Variants in HIF3A observed in about 807,000 individuals in gnomAD.
HIF3A encodes the protein hypoxia-inducible factor 3-alpha.
HIF3A carries 41 observed loss-of-function variants against 67.2 expected under a neutral mutation model. The ratio of observed to expected loss-of-function variants is 0.61; its 90% confidence interval spans 0.48 to 0.79. The LOEUF (loss-of-function observed/expected upper bound fraction) is 0.79, where lower values mean the gene tolerates loss of function less well. Ranked by LOEUF, HIF3A falls within the 30% of genes least tolerant of loss-of-function variation. The pLI is 0.00. For synonymous variants in HIF3A, 356 were observed against 374.8 expected, an observed-to-expected ratio of 0.95 and a Z score of 0.58; for missense variants, 855 against 898.0, an observed-to-expected ratio of 0.95 and a Z score of 0.61.
intron 13 of HIF3A, among the ~76,000 whole-genome samples, chr19:46,332,805 G>T (rs1029624862): frequency 6.6e-6 from 1 of 152,094 alleles, no homozygotes; most frequent in East Asian, 1.9e-4. Flanking sequence ...CCAACATGGT[G>T]AAACCCTGTC....
chr19:46,298,429 C>T (rs1385305101), intron 1 of HIF3A: 12 of 1,288,454 alleles, frequency 9.3e-6, no homozygotes, highest in East Asian at 5.6e-5. Flanking sequence ...CGCACCCACT[C>T]GTAACTCGCA....
Position 46,312,239 on chromosome 19 carries a change from C to T in HIF3A, c.849C>T (p.Ser283=), listed in dbSNP as rs543522717. ...ACGAGTACATCCACGCGCTGGACTC[C>T]GATGCGGTCAGCAAGAGCATCCACA... is the stretch of plus-strand genomic sequence containing the variant. The part of the protein sequence containing the change: ...SAYEYIHALD[S]DAVSKSIHTL... The change falls in exon 7 of 15, where the codon TCC becomes TCT. Residue 283 remains serine (S), a synonymous_variant. Coordinates refer to ENST00000377670, the MANE Select transcript of HIF3A (RefSeq NM_152795.4). 8.7e-6 allele frequency: 14 copies of T among 1,613,914 alleles called. No individual in the cohort carries two copies. Among genetic ancestry groups the T allele is most frequent in the East Asian group, 4.5e-5 (2 of 44,870 alleles).
At chr19:46,322,713 T>C (rs1453844025) in intron 10 of HIF3A, among the ~76,000 whole-genome samples, 2 of 152,092 alleles carry the variant, frequency 1.3e-5, no homozygotes, top group Non-Finnish European at 2.9e-5. Flanking sequence ...AGTGCTGGGA[T>C]TACAGGTGTG....
chr19:46,332,619 A>G (rs1971315241), intron 13 of HIF3A, among the ~76,000 whole-genome samples: 1 of 152,202 alleles, frequency 6.6e-6, no homozygotes, highest in Non-Finnish European at 1.5e-5. Flanking sequence ...ATGGCCCTCT[A>G]GTGCTTACAG....
In HIF3A at chr19:46,303,994, G is replaced by C; in HGVS notation, c.123G>C (p.Leu41=). 6.3e-7 allele frequency: 1 copy of C among 1,598,646 alleles called. No homozygotes were observed. Among genetic ancestry groups the C allele is most frequent in the Non-Finnish European group, 8.5e-7 (1 of 1,173,412 alleles). ...TEVLYQLAHT[L]PFARGVSAHL... is the part of the protein sequence containing the mutation. ...TGCTGTACCAGCTGGCTCACACGCT[G>C]CCCTTCGCCCGCGGCGTCAGCGCCC... Residue 41 remains leucine, a synonymous_variant, in exon 2 of 15, where the codon CTG becomes CTC. Transcript: ENST00000377670.
At chr19:46,317,265 G>A (rs1052062665) in intron 8 of HIF3A, among the ~76,000 whole-genome samples, 2 of 152,040 alleles carry the variant, frequency 1.3e-5, no homozygotes, top group African/African-American at 4.8e-5. Context: ...GTGTTGCCCA[G>A]GCTGGTCTCA....
At chr19:46,318,042 G>T (rs990140320) in intron 8 of HIF3A, among the ~76,000 whole-genome samples, 7 of 151,732 alleles carry the variant, frequency 4.6e-5, no homozygotes, top group Admixed American at 3.9e-4. Context: ...CACTATGTTG[G>T]CCGGGCTGGT....
chr19:46,336,485 A>C (rs1971630356), intron 14 of HIF3A, among the ~76,000 whole-genome samples: 2 of 151,940 alleles, frequency 1.3e-5, no homozygotes, highest in Non-Finnish European at 2.9e-5. Context: ...CTCCCACCTC[A>C]GCCTCCCAAG....
chr19:46,305,435 G>A, intron 3 of HIF3A, 45 bp downstream of exon 3: 1 of 1,586,590 alleles, frequency 6.3e-7, no homozygotes, highest in Non-Finnish European at 8.6e-7. Context: ...TACTGGTGAT[G>A]CTGGGGATAC....
Position 46,312,568 on chromosome 19 carries a change from C to G in HIF3A, c.940C>G (p.Leu314Val), listed in dbSNP as rs1452701973. 4.3e-6 allele frequency: 7 copies of G among 1,612,856 alleles called. No homozygotes were observed. Among genetic ancestry groups the G allele is most frequent in the Admixed American group, 1.7e-5 (1 of 59,786 alleles). The change falls in exon 8 of 15, where the codon CTG becomes GTG. Residue 314 changes from leucine (L) to valine (V), a missense_variant. By Grantham distance (32) the Leu-to-Val change is conservative. Around this residue, in one of 3 missense-constraint regions of HIF3A, gnomAD observed 638 missense variants for 660.5 expected, o/e 0.97. Coordinates refer to ENST00000377670, the MANE Select transcript of HIF3A (RefSeq NM_152795.4). ...CTTCCTGGCCCGGAGTGGTGGCTAC[C>G]TGTGGACCCAGACCCAGGCCACAGT... ...YRFLARSGGYLWTQTQATVVS... is the reference protein window; with the variant it reads ...YRFLARSGGYVWTQTQATVVS...
chr19:46,301,803 C>T, intron 1 of HIF3A, among the ~76,000 whole-genome samples: 1 of 144,624 alleles, frequency 6.9e-6, no homozygotes, highest in Non-Finnish European at 1.5e-5. Flanking sequence ...GCCTGGCTGA[C>T]ACAGTGAAAC....
At chr19:46,311,699 A>C (rs1024745462) in intron 6 of HIF3A, among the ~76,000 whole-genome samples, 5 of 151,744 alleles carry the variant, frequency 3.3e-5, no homozygotes, top group Non-Finnish European at 7.4e-5. Context: ...CCATCTCTAC[A>C]AAAAAAATGC....
chr19:46,319,385 G>T (rs541081285), intron 8 of HIF3A, among the ~76,000 whole-genome samples: 1 of 152,108 alleles, frequency 6.6e-6, no homozygotes, highest in Admixed American at 6.5e-5. Context: ...AGGGGGTTAT[G>T]CAGATGAGAT....
At chr19:46,329,959 G>GAAAA (rs11483629) in intron 12 of HIF3A, among the ~76,000 whole-genome samples, 1 of 100,146 alleles carries the variant, frequency 1.0e-5, no homozygotes, top group African/African-American at 4.0e-5. Flanking sequence ...ACCCTGTCAA[G>GAAAA]AAAAAAAAAA....
intron 3 of HIF3A, 57 bp downstream of exon 3, chr19:46,305,447 G>C (rs1427717287): frequency 6.5e-7 from 1 of 1,548,300 alleles, no homozygotes; most frequent in Non-Finnish European, 8.8e-7. Context: ...TGGGGATACA[G>C]TGGTGACCAG....
Position 46,312,274 on chromosome 19 carries a change from A to G in HIF3A, c.877+7A>G, listed in dbSNP as rs753953307. ...AGCAAGAGCATCCACACCTGTATGT[A>G]TCCCATTTCCCCAGGTGCGAAGCCA... On this transcript the variant is annotated splice_region_variant and intron_variant, in intron 7 of 14. Transcript: ENST00000377670. The G allele has an allele frequency of 1.5e-5, 24 of 1,613,886 alleles. No homozygotes were observed. The Middle Eastern group carries it at 6.6e-4, about 44-fold the overall frequency.
At position 46,325,625 on chromosome 19, in the gene HIF3A, T is replaced by C. The variant is rs73940672; in HGVS notation, c.1426T>C (p.Leu476=). The change falls in exon 11 of 15, where the codon TTA becomes CTA. Residue 476 remains leucine, a synonymous_variant. Coordinates refer to ENST00000377670, the MANE Select transcript of HIF3A (RefSeq NM_152795.4). ...AGACACTGAGGCAGTGGAGACAGAT[T>C]TAGATATAGCTCAGGTAAGGGCTGG... is the stretch of plus-strand genomic sequence containing the variant. ...GKDTEAVETD[L]DIAQDADALD... The C allele has an allele frequency of 3.1e-6, 5 of 1,610,866 alleles. No individual in the cohort carries two copies. The highest frequency in any genetic ancestry group is 4.2e-6 in the Non-Finnish European group (5 of 1,178,044).
intron 1 of HIF3A, 159 bp from the exon 2 acceptor site, chr19:46,303,739 G>A (rs774963089): frequency 1.3e-6 from 2 of 1,534,068 alleles, no homozygotes; most frequent in Admixed American, 4.0e-5. Context: ...CAGGCCCAGG[G>A]AGCGCCGCGA....
rs940137760 is a variant in HIF3A at position 46,339,686 on chromosome 19, G to A, written c.*64G>A. ...AAGGACCTCAACCACACTCCACGCC[G>A]GCAGCCAACGCACAGGATGGGGGCG... On this transcript the variant is annotated 3_prime_UTR_variant, in exon 15 of 15. Transcript: ENST00000377670. The A allele has an allele frequency of 3.6e-5, 44 of 1,220,748 alleles. No individual in the cohort carries two copies. The highest frequency in any genetic ancestry group is 2.6e-4 in the African/African-American group (17 of 65,378). The allele number at this position is 1,220,748 out of a possible 1,614,324, so 75.6% of individuals were successfully genotyped here. A position where few individuals can be genotyped will look rare whatever the true frequency, so the allele number is the denominator to read the frequency against.
Sources: gnomAD v4.1 joint callset for allele counts (sites outside exome capture counted in the v4.1 genomes callset) on GRCh38, gnomAD v4.1.1 for gene constraint, gnomAD v4.1.1 regional missense constraint, MANE v1.5 for transcripts, NCBI Gene and HGNC (gene_info 2026-07-23, HGNC 2026-07-21) for gene names.